M1AP: variants seen among roughly 807,000 people sequenced by gnomAD.
M1AP encodes meiosis 1 associated protein.
In M1AP, 39 loss-of-function variants were observed where a neutral mutation model predicts 51.2. The ratio of observed to expected loss-of-function variants is 0.76; its 90% confidence interval spans 0.59 to 1.00. The LOEUF (loss-of-function observed/expected upper bound fraction) is 1.00. Ranked by LOEUF, M1AP falls within the 50% of genes least tolerant of loss-of-function variation. The probability of loss-of-function intolerance (pLI) is 0.00; values close to 1 mark genes in which losing one functional copy is unlikely to be tolerated. For missense variants in M1AP, 545 were observed against 641.2 expected, an observed-to-expected ratio of 0.85 and a Z score of 1.62; for synonymous variants, 251 against 249.2, an observed-to-expected ratio of 1.01 and a Z score of -0.07.
chr2:74,599,907 T>C (rs1002486346), intron 4 of M1AP, among the ~76,000 whole-genome samples: 2 of 151,968 alleles, frequency 1.3e-5, no homozygotes, highest in African/African-American at 4.8e-5. Context: ...CATAGCTTAC[T>C]ATAACTTTAA....
intron 5 of M1AP, among the ~76,000 whole-genome samples, chr2:74,580,608 T>C (rs1327512880): frequency 1.3e-5 from 2 of 152,092 alleles, no homozygotes; most frequent in Non-Finnish European, 2.9e-5. Flanking sequence ...GAAACAATGG[T>C]CATAAAGAGT....
At chr2:74,613,446 G>C (rs1212157158) in intron 3 of M1AP, among the ~76,000 whole-genome samples, 1 of 152,200 alleles carries the variant, frequency 6.6e-6, no homozygotes, top group African/African-American at 2.4e-5. Flanking sequence ...GTCTTTTAGT[G>C]AACTTATGCC....
chr2:74,584,152 A>T (rs1679568878), intron 4 of M1AP, among the ~76,000 whole-genome samples: 1 of 152,250 alleles, frequency 6.6e-6, no homozygotes, highest in African/African-American at 2.4e-5. Context: ...TTTTAAAAAA[A>T]TAATGTGCAT....
At chr2:74,573,279 C>A (rs1678862166) in intron 7 of M1AP, among the ~76,000 whole-genome samples, 1 of 152,074 alleles carries the variant, frequency 6.6e-6, no homozygotes, top group Non-Finnish European at 1.5e-5. Flanking sequence ...TGGTCTCGAA[C>A]ACCTGACCTT....
chr2:74,585,161 G>C (rs1409175121), intron 4 of M1AP, among the ~76,000 whole-genome samples: 2 of 152,128 alleles, frequency 1.3e-5, no homozygotes, highest in Non-Finnish European at 2.9e-5. Context: ...CATATCTAAA[G>C]AATGAATGTG....
rs186329886 is a variant in M1AP at position 74,603,685 on chromosome 2, A to C, written c.595+3370T>G. Among the ~76,000 whole-genome samples, 150 of 152,360 alleles carry C rather than the reference A, an allele frequency of 9.8e-4. 2 individuals are homozygous for C. Among genetic ancestry groups the C allele is most frequent in the African/African-American group, 3.5e-3 (147 of 41,578 alleles). On this transcript the variant is annotated intron_variant, in intron 4 of 10. Coordinates refer to ENST00000421985, the MANE Select transcript of M1AP (RefSeq NM_001321739.2). ...ACAGTCAGTGAAGAGACAGGAGGAC[A>C]CACAGTGAGAGCTCACAAATCACAT...
chr2:74,580,716 C>T (rs1210430920), intron 5 of M1AP, among the ~76,000 whole-genome samples: 4 of 152,162 alleles, frequency 2.6e-5, no homozygotes, highest in Non-Finnish European at 4.4e-5. Context: ...CCCAGTGAGT[C>T]GTGTCAAAAC....
At position 74,575,407 on chromosome 2, in the gene M1AP, T is replaced by C. The variant is rs780362539; in HGVS notation, c.1074+31A>G. 6.2e-6 allele frequency: 10 copies of C among 1,613,036 alleles called. No individual in the cohort carries two copies. In the Admixed American group the frequency reaches 1.3e-4, roughly 22 times the overall value. On this transcript the variant is annotated intron_variant, in intron 7 of 10. Coordinates refer to ENST00000421985, the MANE Select transcript of M1AP (RefSeq NM_001321739.2). ...GTGGTTGGTACTTTAAAAACGATTC[T>C]TCTTTTTCACCTGGGGACATGGGTA...
chr2:74,598,109 C>T lies in M1AP; in HGVS notation c.595+8946G>A, dbSNP rs551662491. On this transcript the variant is annotated intron_variant, in intron 4 of 10. Transcript: ENST00000421985. ...TTAAAAGTAGTTTTGTAGCTGGATGCGCTGGCTCACACCTGTAATCCCAGC... is the reference window on the plus strand; with the variant it reads ...TTAAAAGTAGTTTTGTAGCTGGATGTGCTGGCTCACACCTGTAATCCCAGC... Among the ~76,000 whole-genome samples, 203 of 152,202 alleles carry T rather than the reference C, an allele frequency of 1.3e-3. 3 individuals are homozygous for T. The South Asian group carries it at 0.04, about 30-fold the overall frequency.
chr2:74,609,709 C>T (rs1479096671), intron 3 of M1AP, among the ~76,000 whole-genome samples: 1 of 152,206 alleles, frequency 6.6e-6, no homozygotes, highest in African/African-American at 2.4e-5. Context: ...TCCATCTCCT[C>T]ACCAATATTT....
chr2:74,625,968 C>T (rs989073292), intron 2 of M1AP, among the ~76,000 whole-genome samples: 5 of 152,230 alleles, frequency 3.3e-5, no homozygotes, highest in Non-Finnish European at 5.9e-5. Flanking sequence ...CTCTGCATGC[C>T]TGTAAGCCCA....
At chr2:74,581,602 T>C in intron 5 of M1AP, 72 bp downstream of exon 5, 1 of 1,470,482 alleles carries the variant, frequency 6.8e-7, no homozygotes, top group Non-Finnish European at 9.4e-7. Flanking sequence ...TTCCACTGAC[T>C]CACCACCAAT....
intron 1 of M1AP, among the ~76,000 whole-genome samples, chr2:74,646,403 G>C (rs958465622): frequency 1.3e-5 from 2 of 152,188 alleles, no homozygotes; most frequent in African/African-American, 4.8e-5. Flanking sequence ...ATAGACTCTA[G>C]AGAAGCAGCC....
chr2:74,591,932 C>G (rs1171090231), intron 4 of M1AP, among the ~76,000 whole-genome samples: 4 of 151,852 alleles, frequency 2.6e-5, no homozygotes, highest in African/African-American at 9.7e-5. Context: ...ATTACAGGCG[C>G]CCACCACCAC....
chr2:74,575,582 AG>A lies in M1AP; in HGVS notation c.933-4del, dbSNP rs761300399. ...AGAGCCCGCTAGATTTTAAAGCCCT[AG>A]GAAGAGATAATTACAGTCAAAGACT... On this transcript the variant is annotated splice_region_variant and splice_polypyrimidine_tract_variant and intron_variant, in intron 6 of 10. Transcript: ENST00000421985. The A allele has an allele frequency of 3.7e-5, 59 of 1,612,310 alleles. No individual in the cohort carries two copies. Among genetic ancestry groups the A allele is most frequent in the Non-Finnish European group, 4.8e-5 (56 of 1,178,776 alleles).
At chr2:74,647,850 C>T in intron 1 of M1AP, 1 of 202,616 alleles carries the variant, frequency 4.9e-6, no homozygotes, top group Non-Finnish European at 8.8e-6. Context: ...GCCGAGATCA[C>T]GCCATTGCAC....
chr2:74,604,218 A>G (rs1680837703), intron 4 of M1AP, among the ~76,000 whole-genome samples: 1 of 152,164 alleles, frequency 6.6e-6, no homozygotes, highest in Non-Finnish European at 1.5e-5. Context: ...GTAGGGAAGC[A>G]TGGGCATTTC....
intron 2 of M1AP, among the ~76,000 whole-genome samples, chr2:74,634,936 C>T (rs561148430): frequency 4.6e-5 from 7 of 152,054 alleles, no homozygotes; most frequent in East Asian, 1.9e-4. Context: ...TGAGGGATAT[C>T]GGTCTTCAGT....
chr2:74,624,033 T>C (rs1682233577), intron 2 of M1AP, among the ~76,000 whole-genome samples: 1 of 152,212 alleles, frequency 6.6e-6, no homozygotes. Flanking sequence ...TATTATCTCA[T>C]TTATGTAAAA....
Sources: allele counts gnomAD v4.1 joint callset (sites outside exome capture counted in the v4.1 genomes callset), GRCh38; gene constraint gnomAD v4.1.1; transcripts MANE v1.5; gene names NCBI Gene and HGNC (gene_info 2026-07-23, HGNC 2026-07-21).